Variants in ARHGEF18 observed in about 807,000 individuals in gnomAD.
The protein encoded by ARHGEF18 is rho guanine nucleotide exchange factor 18.
In ARHGEF18, 93 loss-of-function variants were observed where a neutral mutation model predicts 155.7. That is an observed-to-expected ratio of 0.60 (90% confidence interval 0.50 to 0.71). The LOEUF is 0.71. Ranked by LOEUF, ARHGEF18 falls within the 30% of genes least tolerant of loss-of-function variation. The probability of loss-of-function intolerance (pLI) is 0.00; values close to 1 mark genes in which losing one functional copy is unlikely to be tolerated. For missense variants in ARHGEF18, 1,593 were observed against 1,816.1 expected, an observed-to-expected ratio of 0.88 and a Z score of 2.23; for synonymous variants, 742 against 753.1, an observed-to-expected ratio of 0.99 and a Z score of 0.24.
chr19:7,448,575 G>A (rs1486363123), intron 15 of ARHGEF18, among the ~76,000 whole-genome samples: 1 of 151,970 alleles, frequency 6.6e-6, no homozygotes, highest in Non-Finnish European at 1.5e-5. Context: ...GCAGAAGAAT[G>A]GTGTGAACCC....
chr19:7,450,868 G>T lies in ARHGEF18; in HGVS notation c.1738-281G>T, dbSNP rs577131544. Among the ~76,000 whole-genome samples the T allele has an allele frequency of 5.9e-4, 6 of 10,088 alleles. No individual in the cohort carries two copies. In the African/African-American group the frequency reaches 6.5e-3, roughly 11 times the overall value. 6.6% of individuals were successfully genotyped at this position (10,088 alleles called of 152,430 possible). On this transcript the variant is annotated intron_variant, in intron 15 of 28. Transcript: ENST00000668164. Reference sequence around the variant, plus strand: ...ATGTTAATGCGGCGTCTTGCTGTCCGTTTCCGAGATGTTAATGCGGGGTCT... The same window carrying T: ...ATGTTAATGCGGCGTCTTGCTGTCCTTTTCCGAGATGTTAATGCGGGGTCT...
intron 10 of ARHGEF18, among the ~76,000 whole-genome samples, chr19:7,426,376 A>G (rs1206768246): frequency 6.6e-6 from 1 of 151,488 alleles, no homozygotes; most frequent in Non-Finnish European, 1.5e-5. Flanking sequence ...CGTCCCGGCT[A>G]CTCAGGAGGC....
rs1269211406 is a variant in ARHGEF18 at position 7,459,925 on chromosome 19, C to A, written c.2383C>A (p.Pro795Thr). The change falls in exon 20 of 29, where the codon CCC becomes ACC. Residue 795 changes from proline (P) to threonine (T), a missense_variant. Pro to Thr is a conservative substitution (Grantham distance 38, BLOSUM62 -1). Transcript: ENST00000668164. ...VESCPDEEEG[P>T]FSLPEEERKV... ...CAGCTGCCCTGACGAGGAGGAGGGG[C>A]CCTTCAGCCTGCCCGAAGAGGAAAG... 1 of 1,584,686 alleles carries A rather than the reference C, an allele frequency of 6.3e-7. No individual in the cohort carries two copies. The highest frequency in any genetic ancestry group is 8.6e-7 in the Non-Finnish European group (1 of 1,165,518).
intron 15 of ARHGEF18, among the ~76,000 whole-genome samples, chr19:7,450,334 CA>C: frequency 1.5e-5 from 1 of 68,226 alleles, no homozygotes; most frequent in Non-Finnish European, 3.1e-5. Flanking sequence ...TCTTGCTGTC[CA>C]TTTCCAAGAT....
chr19:7,449,403 ATC>A (rs1322681762), intron 15 of ARHGEF18, among the ~76,000 whole-genome samples: 1 of 152,112 alleles, frequency 6.6e-6, no homozygotes, highest in Non-Finnish European at 1.5e-5. Flanking sequence ...GCGAAACCTC[ATC>A]TCTACTAAAA....
intron 23 of ARHGEF18, among the ~76,000 whole-genome samples, chr19:7,466,552 C>T (rs1183862941): frequency 3.3e-5 from 5 of 150,694 alleles, no homozygotes; most frequent in Non-Finnish European, 3.0e-5. Flanking sequence ...CCTGTAATCC[C>T]AGCACTTTGG....
Position 7,462,180 on chromosome 19 carries a change from C to G in ARHGEF18, c.2481C>G (p.Ile827Met). 1 of 1,613,956 alleles carries G rather than the reference C, an allele frequency of 6.2e-7. No homozygotes were observed. The highest frequency in any genetic ancestry group is 8.5e-7 in the Non-Finnish European group (1 of 1,180,018). The change falls in exon 21 of 29, where the codon ATC (isoleucine) becomes ATG (methionine). Residue 827 changes from isoleucine (I) to methionine (M), a missense_variant. Coordinates refer to ENST00000668164, the MANE Select transcript of ARHGEF18 (RefSeq NM_001367823.1). This position sits in a 1 kb window ranked among gnomAD's most constrained non-coding sequence, Gnocchi z 4.4. ...GGTTGAGCATGAAAGACCAGCTGAT[C>G]GCACAGAGCCTCCTAGAGAAACAGC... is the stretch of plus-strand genomic sequence containing the variant. ...QERLSMKDQLIAQSLLEKQQI... is the reference protein window; with the variant it reads ...QERLSMKDQLMAQSLLEKQQI...
chr19:7,414,136 C>A (rs1972853189), intron 10 of ARHGEF18, among the ~76,000 whole-genome samples: 1 of 152,074 alleles, frequency 6.6e-6, no homozygotes, highest in Non-Finnish European at 1.5e-5. Context: ...GGGTGCTGAG[C>A]AGCATCCCTG....
chr19:7,467,883 G>A (rs1160879847), intron 26 of ARHGEF18, among the ~76,000 whole-genome samples, 199 bp downstream of exon 26: 1 of 152,032 alleles, frequency 6.6e-6, no homozygotes, highest in Middle Eastern at 3.2e-3. Context: ...TTAACAGAAC[G>A]CTGTTGCTCA....
At chr19:7,399,921 T>C (rs1971945893) in intron 10 of ARHGEF18, among the ~76,000 whole-genome samples, 1 of 151,876 alleles carries the variant, frequency 6.6e-6, no homozygotes, top group South Asian at 2.1e-4. Flanking sequence ...TATAGGTGCG[T>C]ACCACCGCGC....
At chr19:7,375,302 G>T in intron 3 of ARHGEF18, among the ~76,000 whole-genome samples, 1 of 94,968 alleles carries the variant, frequency 1.1e-5, no homozygotes, top group East Asian at 2.8e-4. Flanking sequence ...AAGAAAGAAA[G>T]AAAAGAAAGA....
chr19:7,414,682 G>A (rs1972892939), intron 10 of ARHGEF18, among the ~76,000 whole-genome samples: 1 of 152,094 alleles, frequency 6.6e-6, no homozygotes, highest in South Asian at 2.1e-4. Context: ...GGTGGTGCGT[G>A]CCTGTGATCC....
chr19:7,466,829 TAAAAA>T (rs369506925), intron 23 of ARHGEF18, 84 bp from the exon 24 acceptor site: 6 of 900,718 alleles, frequency 6.7e-6, no homozygotes, highest in Non-Finnish European at 9.3e-6. Flanking sequence ...AAAAAAAAGT[TAAAAA>T]AAAAGAAGAA....
chr19:7,378,938 C>G (rs952141549), intron 6 of ARHGEF18, among the ~76,000 whole-genome samples, 184 bp from the exon 7 acceptor site: 7 of 152,012 alleles, frequency 4.6e-5, no homozygotes, highest in African/African-American at 1.7e-4. Context: ...GGTGATCCGC[C>G]CACCTTGGCC....
intron 2 of ARHGEF18, 74 bp from the exon 3 acceptor site, chr19:7,372,738 T>C: frequency 8.2e-7 from 1 of 1,219,340 alleles, no homozygotes; most frequent in Non-Finnish European, 1.0e-6. Context: ...AGGGACCTTG[T>C]GGTCAAGAGA....
Position 7,379,162 on chromosome 19 carries a change from C to T in ARHGEF18, c.640C>T (p.His214Tyr). ...GGTGCTTCAAGAACTTCGACAGTACCATGGGTAAGTGGGAATCGGGACAGG... is the reference window on the plus strand; with the variant it reads ...GGTGCTTCAAGAACTTCGACAGTACTATGGGTAAGTGGGAATCGGGACAGG... Reference protein sequence around the residue: ...QQVLQELRQYHGARQRACMSA... With the variant: ...QQVLQELRQYYGARQRACMSA... The change falls in exon 7 of 29, where the codon CAT becomes TAT. Residue 214 changes from histidine to tyrosine, a missense_variant. Transcript: ENST00000668164. 2 of 1,232,646 alleles carry T rather than the reference C, an allele frequency of 1.6e-6. No homozygotes were observed. The highest frequency in any genetic ancestry group is 4.2e-5 in the Admixed American group (1 of 23,718). The allele number at this position is 1,232,646 out of a possible 1,614,324, so 76.4% of individuals were successfully genotyped here.
chr19:7,397,019 C>T (rs1364534121), intron 10 of ARHGEF18, among the ~76,000 whole-genome samples: 1 of 143,540 alleles, frequency 7.0e-6, no homozygotes, highest in African/African-American at 2.6e-5. Flanking sequence ...TTGAGCATCT[C>T]GGATGTTGTT....
At chr19:7,412,778 A>G (rs1247510669) in intron 10 of ARHGEF18, among the ~76,000 whole-genome samples, 1 of 150,898 alleles carries the variant, frequency 6.6e-6, no homozygotes, top group Non-Finnish European at 1.5e-5. Flanking sequence ...AAATTATCCC[A>G]TCTTAGTGGG....
At chr19:7,350,798 G>A (rs1280398753) in intron 1 of ARHGEF18, among the ~76,000 whole-genome samples, 3 of 148,770 alleles carry the variant, frequency 2.0e-5, no homozygotes, top group Admixed American at 6.7e-5. Context: ...GTGTGTGTGT[G>A]TGTGTGTGTG....
Sources: allele counts gnomAD v4.1 joint callset (sites outside exome capture counted in the v4.1 genomes callset), GRCh38; gene constraint gnomAD v4.1.1; non-coding constraint Gnocchi (gnomAD v3.1); transcripts MANE v1.5; gene names NCBI Gene and HGNC (gene_info 2026-07-23, HGNC 2026-07-21).